PPP1R12B: variants seen among roughly 807,000 people sequenced by gnomAD.
The protein encoded by PPP1R12B is protein phosphatase 1 regulatory subunit 12B.
In PPP1R12B, 76 loss-of-function variants were observed where a neutral mutation model predicts 126.1. The ratio of observed to expected loss-of-function variants is 0.60; its 90% CI spans 0.50 to 0.73. PPP1R12B has a LOEUF of 0.73. PPP1R12B is among the 30% of genes least tolerant of loss of function. The probability of loss-of-function intolerance (pLI) is 0.00; values close to 1 mark genes in which losing one functional copy is unlikely to be tolerated. For missense variants in PPP1R12B, 1,052 were observed against 1,205.1 expected, an observed-to-expected ratio of 0.87 and a Z score of 1.88; for synonymous variants, 356 against 434.7, an observed-to-expected ratio of 0.82 and a Z score of 2.25.
At chr1:202,515,916 T>C (rs536016635) in intron 18 of PPP1R12B, among the ~76,000 whole-genome samples, 1 of 152,246 alleles carries the variant, frequency 6.6e-6, no homozygotes, top group South Asian at 2.1e-4. Flanking sequence ...TGAACCAATT[T>C]CTATAGCCAG....
rs747772262 is a variant in PPP1R12B at position 202,495,452 on chromosome 1, A to C, written c.2305A>C (p.Thr769Pro). ...DSESSETTTNTTTAKEMDKNE... is the reference protein window; with the variant it reads ...DSESSETTTNPTTAKEMDKNE... ...TGAGAGTTCAGAGACTACCACAAAC[A>C]CTACAACTGCAAAGGAAATGGACAA... Residue 769 changes from threonine to proline, a missense_variant, in exon 16 of 24, where the codon ACT (threonine) becomes CCT (proline). Transcript: ENST00000608999. 1.2e-6 allele frequency: 2 copies of C among 1,607,972 alleles called. No homozygotes were observed. The highest frequency in any genetic ancestry group is 1.7e-6 in the Non-Finnish European group (2 of 1,177,048).
At chr1:202,477,764 A>G (rs1676852810) in intron 13 of PPP1R12B, among the ~76,000 whole-genome samples, 1 of 152,208 alleles carries the variant, frequency 6.6e-6, no homozygotes, top group Admixed American at 6.5e-5. Context: ...TACAAAGTGT[A>G]TCTTTGAAGT....
chr1:202,385,680 G>C (rs1230068415), intron 1 of PPP1R12B, among the ~76,000 whole-genome samples: 4 of 152,178 alleles, frequency 2.6e-5, no homozygotes, highest in African/African-American at 4.8e-5. Context: ...TCAGGAAGGT[G>C]AAGTGAGTTG....
intron 22 of PPP1R12B, among the ~76,000 whole-genome samples, chr1:202,568,914 A>G (rs1309733741): frequency 2.0e-5 from 3 of 152,160 alleles, no homozygotes; most frequent in Non-Finnish European, 2.9e-5. Context: ...GCTTCTCCAT[A>G]TATCTACTGA....
chr1:202,379,655 C>T (rs1661899352), intron 1 of PPP1R12B, among the ~76,000 whole-genome samples: 2 of 152,138 alleles, frequency 1.3e-5, no homozygotes, highest in Admixed American at 1.3e-4. Flanking sequence ...CCATAGTCTG[C>T]CATAGGTCTA....
At chr1:202,421,240 C>T (rs1470171125) in intron 2 of PPP1R12B, among the ~76,000 whole-genome samples, 1 of 151,474 alleles carries the variant, frequency 6.6e-6, no homozygotes, top group South Asian at 2.1e-4. Flanking sequence ...TGAGCCACTG[C>T]GTTTGGCTCC....
intron 18 of PPP1R12B, among the ~76,000 whole-genome samples, chr1:202,533,874 T>A (rs1314152292): frequency 1.3e-5 from 2 of 152,240 alleles, no homozygotes; most frequent in African/African-American, 4.8e-5. Flanking sequence ...GATTAATAAA[T>A]GTTGTCTGAT....
intron 23 of PPP1R12B, chr1:202,575,660 T>C (rs1308684614): frequency 6.6e-6 from 1 of 152,500 alleles, no homozygotes; most frequent in Non-Finnish European, 1.5e-5. Flanking sequence ...TTTTAACGTA[T>C]ACCTATGGGT....
At chr1:202,394,746 C>G (rs1664686812) in intron 1 of PPP1R12B, among the ~76,000 whole-genome samples, 1 of 149,454 alleles carries the variant, frequency 6.7e-6, no homozygotes, top group African/African-American at 2.5e-5. Context: ...AAGAGTGAAA[C>G]TCTGTCTCAG....
intron 23 of PPP1R12B, among the ~76,000 whole-genome samples, chr1:202,570,488 G>A (rs1428477509): frequency 6.6e-6 from 1 of 152,094 alleles, no homozygotes; most frequent in African/African-American, 2.4e-5. Context: ...AGCAATACCT[G>A]CTTATATCTC....
At chr1:202,410,811 ATC>A (rs1418144849) in intron 1 of PPP1R12B, among the ~76,000 whole-genome samples, 1 of 152,212 alleles carries the variant, frequency 6.6e-6, no homozygotes, top group African/African-American at 2.4e-5. Context: ...ATTAAGTTAT[ATC>A]TCTATTTCTT....
chr1:202,386,662 A>G (rs922970286), intron 1 of PPP1R12B, among the ~76,000 whole-genome samples: 1 of 151,920 alleles, frequency 6.6e-6, no homozygotes, highest in African/African-American at 2.4e-5. Context: ...TTTCTTTGAC[A>G]TTTGGCAAAT....
intron 1 of PPP1R12B, among the ~76,000 whole-genome samples, chr1:202,366,852 A>G (rs1269080586): frequency 6.6e-6 from 1 of 152,190 alleles, no homozygotes; most frequent in African/African-American, 2.4e-5. Context: ...AAATAAAAAT[A>G]TAGACTAAAA....
At chr1:202,351,568 G>A (rs1049615815) in intron 1 of PPP1R12B, among the ~76,000 whole-genome samples, 1 of 152,176 alleles carries the variant, frequency 6.6e-6, no homozygotes, top group Admixed American at 6.5e-5. Flanking sequence ...GTACATAAAA[G>A]ACTATTTTCA....
chr1:202,404,791 G>T (rs555552841), intron 1 of PPP1R12B, among the ~76,000 whole-genome samples: 1 of 152,138 alleles, frequency 6.6e-6, no homozygotes, highest in Non-Finnish European at 1.5e-5. Context: ...GTGAGCCACC[G>T]CACCCAGCCC....
chr1:202,571,450 T>TG, intron 23 of PPP1R12B, among the ~76,000 whole-genome samples: 1 of 152,038 alleles, frequency 6.6e-6, no homozygotes, highest in Admixed American at 6.6e-5. Context: ...TTTTTGTTTT[T>TG]TTTTTCTCTT....
chr1:202,425,318 A>C (rs1463512906), intron 3 of PPP1R12B, among the ~76,000 whole-genome samples: 1 of 152,190 alleles, frequency 6.6e-6, no homozygotes, highest in African/African-American at 2.4e-5. Context: ...TTCTGTTGAA[A>C]ACAATTTTAG....
chr1:202,360,669 A>G (rs1307415498), intron 1 of PPP1R12B, among the ~76,000 whole-genome samples: 2 of 151,450 alleles, frequency 1.3e-5, no homozygotes, highest in African/African-American at 2.4e-5. Flanking sequence ...AGATTGCACC[A>G]TTGCACTCCA....
intron 12 of PPP1R12B, among the ~76,000 whole-genome samples, chr1:202,446,599 A>G (rs1160743575): frequency 6.7e-6 from 1 of 148,656 alleles, no homozygotes; most frequent in Non-Finnish European, 1.5e-5. Context: ...TATATTATAT[A>G]ATAATACTAT....
Sources: gnomAD v4.1 joint callset for allele counts (sites outside exome capture counted in the v4.1 genomes callset) on GRCh38, gnomAD v4.1.1 for gene constraint, MANE v1.5 for transcripts, NCBI Gene and HGNC (gene_info 2026-07-23, HGNC 2026-07-21) for gene names.